Variants in IFT88 observed in about 807,000 individuals in gnomAD.
IFT88 encodes intraflagellar transport 88, also known as intraflagellar transport protein 88 homolog.
In IFT88, 74 loss-of-function variants were observed where a neutral mutation model predicts 119.5. The observed-to-expected ratio is 0.62, with a 90% CI of 0.51 to 0.75. The LOEUF (loss-of-function observed/expected upper bound fraction) is 0.75. Among genes scored for constraint, IFT88 ranks in the 30% least tolerant of loss-of-function variants. The pLI, the probability that IFT88 is intolerant of heterozygous loss-of-function variation, is 0.00. For synonymous variants in IFT88, 279 were observed against 316.7 expected (o/e 0.88, Z 1.26); for missense variants, 961 against 977.7 (o/e 0.98, Z 0.23).
intron 24 of IFT88, among the ~76,000 whole-genome samples, chr13:20,676,655 G>A (rs767298143): frequency 2.6e-5 from 4 of 152,146 alleles, no homozygotes; most frequent in Non-Finnish European, 5.9e-5. Flanking sequence ...AATTACTAGT[G>A]CTTATAAATA....
intron 16 of IFT88, chr13:20,631,408 G>T (rs915166606): frequency 4.1e-6 from 1 of 244,810 alleles, no homozygotes; most frequent in African/African-American, 2.2e-5. Flanking sequence ...TGTGTTATTG[G>T]TAAAGAAAGT....
At chr13:20,607,322 T>A (rs2043660409) in intron 13 of IFT88, 2 of 481,166 alleles carry the variant, frequency 4.2e-6, no homozygotes, top group Admixed American at 2.6e-5. Flanking sequence ...CGCATCCCTG[T>A]CAGTGCACGT....
chr13:20,592,069 A>G (rs1566104833), intron 6 of IFT88, among the ~76,000 whole-genome samples: 1 of 152,232 alleles, frequency 6.6e-6, no homozygotes, highest in Non-Finnish European at 1.5e-5. Flanking sequence ...TGGAAGAGAA[A>G]GTAAATGCTG....
intron 13 of IFT88, among the ~76,000 whole-genome samples, chr13:20,611,572 C>T (rs1013559051): frequency 5.2e-5 from 7 of 135,636 alleles, no homozygotes; most frequent in Non-Finnish European, 9.5e-5. Context: ...AGATCAGGAA[C>T]AAGATAGGGA....
intron 20 of IFT88, among the ~76,000 whole-genome samples, chr13:20,645,750 T>C (rs2050650831): frequency 6.6e-6 from 1 of 152,238 alleles, no homozygotes; most frequent in African/African-American, 2.4e-5. Context: ...CATCATCTTC[T>C]GCTTTGTATT....
At chr13:20,623,772 G>A (rs936438739) in intron 14 of IFT88, among the ~76,000 whole-genome samples, 2 of 152,114 alleles carry the variant, frequency 1.3e-5, no homozygotes, top group African/African-American at 2.4e-5. Context: ...ACCACACCCA[G>A]CCTCCATTTA....
chr13:20,572,419 A>G (rs1472514187), intron 1 of IFT88, among the ~76,000 whole-genome samples: 2 of 152,122 alleles, frequency 1.3e-5, no homozygotes, highest in Non-Finnish European at 2.9e-5. Context: ...GGGTTTCACC[A>G]TCTTGACCAA....
chr13:20,647,541 A>G (rs764636544), intron 20 of IFT88, among the ~76,000 whole-genome samples: 1 of 152,184 alleles, frequency 6.6e-6, no homozygotes, highest in Non-Finnish European at 1.5e-5. Flanking sequence ...TGTTTTGGCA[A>G]TTGGTTTAAG....
chr13:20,647,379 A>G (rs1194289286), intron 20 of IFT88, among the ~76,000 whole-genome samples: 1 of 152,168 alleles, frequency 6.6e-6, no homozygotes, highest in Non-Finnish European at 1.5e-5. Context: ...AAGTGAGAGT[A>G]TTAGTTCTTA....
intron 1 of IFT88, among the ~76,000 whole-genome samples, chr13:20,572,161 T>C (rs2036493471): frequency 6.6e-6 from 1 of 152,114 alleles, no homozygotes. Flanking sequence ...CATTAACCTT[T>C]TTCTATAGCT....
At chr13:20,631,285 T>A in intron 16 of IFT88, 183 bp downstream of exon 16, 1 of 537,938 alleles carries the variant, frequency 1.9e-6, no homozygotes, top group South Asian at 2.6e-5. Context: ...CAGACATGAG[T>A]GAGAACACCA....
intron 16 of IFT88, among the ~76,000 whole-genome samples, chr13:20,636,562 T>C (rs2049046283): frequency 6.6e-6 from 1 of 152,242 alleles, no homozygotes; most frequent in Non-Finnish European, 1.5e-5. Flanking sequence ...GTGCACTTCC[T>C]ATCCTCCATC....
At chr13:20,571,864 GTT>G (rs972902831) in intron 1 of IFT88, among the ~76,000 whole-genome samples, 1 of 152,158 alleles carries the variant, frequency 6.6e-6, no homozygotes, top group African/African-American at 2.4e-5. Flanking sequence ...TTAGCAGCCA[GTT>G]TCAGCAGCCA....
intron 1 of IFT88, 149 bp from the exon 2 acceptor site, chr13:20,574,231 G>A: frequency 2.7e-6 from 1 of 375,980 alleles, no homozygotes; most frequent in Non-Finnish European, 4.8e-6. Flanking sequence ...GAGGTGGGAG[G>A]ATCACTTGTG....
At chr13:20,584,883 T>C (rs982292754) in intron 3 of IFT88, among the ~76,000 whole-genome samples, 12 of 152,200 alleles carry the variant, frequency 7.9e-5, no homozygotes, top group Non-Finnish European at 1.8e-4. Flanking sequence ...ATATTTTCAG[T>C]TGTCACAACT....
At chr13:20,622,804 T>C (rs1287260107) in intron 14 of IFT88, among the ~76,000 whole-genome samples, 1 of 152,212 alleles carries the variant, frequency 6.6e-6, no homozygotes, top group Non-Finnish European at 1.5e-5. Flanking sequence ...GATATTTCTT[T>C]GAGGCAAAAA....
chr13:20,618,609 C>T (rs951253427), intron 14 of IFT88, among the ~76,000 whole-genome samples: 46 of 152,050 alleles, frequency 3.0e-4, no homozygotes, highest in Non-Finnish European at 1.3e-4. Flanking sequence ...TCTTGAATGC[C>T]ACTGACTGAG....
intron 14 of IFT88, among the ~76,000 whole-genome samples, chr13:20,621,701 A>T (rs767636868): frequency 2.0e-4 from 31 of 152,150 alleles, no homozygotes; most frequent in Non-Finnish European, 4.0e-4. Flanking sequence ...ATGCCATCCC[A>T]GTATGGTACA....
At chr13:20,609,530 G>A (rs1452365890) in intron 13 of IFT88, among the ~76,000 whole-genome samples, 1 of 152,108 alleles carries the variant, frequency 6.6e-6, no homozygotes, top group African/African-American at 2.4e-5. Flanking sequence ...GCTGAGGCAG[G>A]TGCATCACTA....
Sources: gnomAD v4.1 joint callset for allele counts (sites outside exome capture counted in the v4.1 genomes callset) on GRCh38, gnomAD v4.1.1 for gene constraint, MANE v1.5 for transcripts, NCBI Gene and HGNC (gene_info 2026-07-23, HGNC 2026-07-21) for gene names.